Variants in PAFAH2 observed in about 807,000 individuals in gnomAD.
PAFAH2 encodes platelet activating factor acetylhydrolase 2.
In PAFAH2, 42 loss-of-function variants were observed where a neutral mutation model predicts 49.0. The observed-to-expected ratio is 0.86, with a 90% CI of 0.67 to 1.11. The LOEUF (loss-of-function observed/expected upper bound fraction) is 1.11. Among genes scored for constraint, PAFAH2 ranks in the 50% least tolerant of loss-of-function variants. PAFAH2 has a pLI of 0.00. For synonymous variants in PAFAH2, 184 were observed against 181.3 expected (o/e 1.01, Z -0.12); for missense variants, 503 against 501.8 (o/e 1.00, Z -0.02).
At chr1:25,985,973 T>G (rs1232773315) in intron 4 of PAFAH2, among the ~76,000 whole-genome samples, 1 of 152,234 alleles carries the variant, frequency 6.6e-6, no homozygotes, top group Admixed American at 6.5e-5. Flanking sequence ...TTGTATTCAT[T>G]CAATAAATAC....
intron 7 of PAFAH2, among the ~76,000 whole-genome samples, chr1:25,980,691 T>TCTTATTCA (rs2049673650): frequency 6.7e-6 from 1 of 150,188 alleles, no homozygotes; most frequent in African/African-American, 2.4e-5. Context: ...CACACACCAT[T>TCTTATTCA]CTTATTCATA....
At chr1:25,963,762 A>G (rs1455146557) in intron 10 of PAFAH2, among the ~76,000 whole-genome samples, 1 of 152,162 alleles carries the variant, frequency 6.6e-6, no homozygotes, top group African/African-American at 2.4e-5. Flanking sequence ...CGGCCTCCCA[A>G]AGTGTTGGGA....
intron 4 of PAFAH2, among the ~76,000 whole-genome samples, chr1:25,985,147 G>A (rs1316985287): frequency 1.3e-5 from 2 of 152,102 alleles, no homozygotes; most frequent in African/African-American, 4.8e-5. Flanking sequence ...ATGAGCCACC[G>A]CACCCAGCCA....
intron 7 of PAFAH2, among the ~76,000 whole-genome samples, chr1:25,977,675 C>A (rs938783503): frequency 6.8e-6 from 1 of 147,774 alleles, no homozygotes; most frequent in African/African-American, 2.5e-5. Flanking sequence ...AAAAAAAAAT[C>A]TATGAAGAAA....
At chr1:25,975,628 C>T (rs922630877) in intron 8 of PAFAH2, among the ~76,000 whole-genome samples, 4 of 152,016 alleles carry the variant, frequency 2.6e-5, no homozygotes, top group Admixed American at 6.6e-5. Flanking sequence ...CCTTCACCTC[C>T]CACATGACCA....
intron 4 of PAFAH2, among the ~76,000 whole-genome samples, chr1:25,987,406 AACAG>A (rs757893341): frequency 6.6e-6 from 1 of 152,026 alleles, no homozygotes; most frequent in Non-Finnish European, 1.5e-5. Context: ...TATGTTGATG[AACAG>A]ACAGAGAGAA....
chr1:25,962,198 G>T (rs2049348960), intron 10 of PAFAH2, 115 bp from the exon 11 acceptor site: 2 of 762,084 alleles, frequency 2.6e-6, no homozygotes, highest in Non-Finnish European at 4.3e-6. Context: ...GATACCAAAA[G>T]GACTGGTTTT....
intron 3 of PAFAH2, 148 bp from the exon 4 acceptor site, chr1:25,988,475 C>G: frequency 1.7e-6 from 1 of 601,192 alleles, no homozygotes; most frequent in Non-Finnish European, 3.0e-6. Context: ...AGTTAATCAC[C>G]TATTTCTTCT....
At chr1:25,979,329 T>C (rs2124344297) in intron 7 of PAFAH2, among the ~76,000 whole-genome samples, 1 of 152,114 alleles carries the variant, frequency 6.6e-6, no homozygotes, top group Middle Eastern at 3.4e-3. Context: ...CTTTTTTTTT[T>C]TTTTTTGAGA....
chr1:25,967,240 G>A (rs530566939), intron 10 of PAFAH2, among the ~76,000 whole-genome samples: 103 of 152,244 alleles, frequency 6.8e-4, no homozygotes, highest in Middle Eastern at 6.8e-3. Context: ...AGGCATGAGA[G>A]AAGAGACAAG....
At chr1:25,982,890 T>TG (rs1053546654) in intron 6 of PAFAH2, among the ~76,000 whole-genome samples, 10 of 152,190 alleles carry the variant, frequency 6.6e-5, no homozygotes, top group African/African-American at 2.2e-4. Flanking sequence ...CCCTGGCTTT[T>TG]GAGGATGGCC....
chr1:25,977,279 G>A (rs1398589574), intron 7 of PAFAH2, among the ~76,000 whole-genome samples: 2 of 151,158 alleles, frequency 1.3e-5, no homozygotes, highest in Non-Finnish European at 2.9e-5. Flanking sequence ...GATTACAGGC[G>A]TGAGCCACCG....
intron 10 of PAFAH2, among the ~76,000 whole-genome samples, chr1:25,964,521 T>C (rs2049391978): frequency 6.6e-6 from 1 of 151,866 alleles, no homozygotes; most frequent in Non-Finnish European, 1.5e-5. Flanking sequence ...GCCCAGGCAA[T>C]AAAGTGAGAC....
chr1:25,997,239 A>C (rs1340188401), intron 1 of PAFAH2, among the ~76,000 whole-genome samples: 1 of 152,238 alleles, frequency 6.6e-6, no homozygotes, highest in African/African-American at 2.4e-5. Flanking sequence ...AAGTGAGGAA[A>C]TATCATCCAG....
intron 2 of PAFAH2, among the ~76,000 whole-genome samples, chr1:25,990,260 T>C (rs1447429041): frequency 1.3e-5 from 2 of 151,858 alleles, no homozygotes; most frequent in Non-Finnish European, 2.9e-5. Flanking sequence ...ATATATAAGA[T>C]AGAGGACCAG....
chr1:25,996,786 T>C lies in PAFAH2; in HGVS notation c.-48+1239A>G, dbSNP rs2049943098. 2.0e-5 allele frequency among the ~76,000 whole-genome samples: 3 copies of C among 152,220 alleles called. No homozygotes were observed. The South Asian group carries it at 6.2e-4, about 32-fold the overall frequency. On this transcript the variant is annotated intron_variant, in intron 1 of 10. Transcript: ENST00000374282. ...ACATGCCTCTCAAGTTCCTTATACG[T>C]AAAATGGATACTTCGTAAGTGAAAA...
intron 3 of PAFAH2, among the ~76,000 whole-genome samples, chr1:25,989,073 A>C (rs772247328): frequency 3.3e-5 from 5 of 152,176 alleles, no homozygotes; most frequent in Non-Finnish European, 5.9e-5. Flanking sequence ...GTAGGAATTA[A>C]TACATGCTAA....
Position 25,989,577 on chromosome 1 carries a change from G to T in PAFAH2, c.115C>A (p.Pro39Thr). 6.3e-7 allele frequency: 1 copy of T among 1,599,514 alleles called. No individual in the cohort carries two copies. The highest frequency in any genetic ancestry group is 8.5e-7 in the Non-Finnish European group (1 of 1,173,116). ...ATGGTCTCCTCTGCCTTTTGGCAGG[G>T]GTAGAAGAGTCGAAAGAAGCTCCCC... is the stretch of plus-strand genomic sequence containing the variant. ...LQGSFFRLFY[P>T]CQKAEETMEQ... The change falls in exon 3 of 11, where the codon CCC (proline) becomes ACC (threonine). Residue 39 changes from proline to threonine, a missense_variant. Pro to Thr is a conservative substitution (Grantham distance 38). Coordinates refer to ENST00000374282, the MANE Select transcript of PAFAH2 (RefSeq NM_000437.4).
At chr1:25,965,638 A>C (rs1262555816) in intron 10 of PAFAH2, among the ~76,000 whole-genome samples, 4 of 152,058 alleles carry the variant, frequency 2.6e-5, no homozygotes, top group African/African-American at 9.7e-5. Context: ...TAACATGGTG[A>C]AACCCTGTCT....
Sources: allele counts gnomAD v4.1 joint callset (sites outside exome capture counted in the v4.1 genomes callset), GRCh38; gene constraint gnomAD v4.1.1; transcripts MANE v1.5; gene names NCBI Gene and HGNC (gene_info 2026-07-23, HGNC 2026-07-21).